ABCA9: variants seen among roughly 807,000 people sequenced by gnomAD.
ABCA9 encodes the protein ATP binding cassette subfamily A member 9.
ABCA9 carries 183 observed loss-of-function variants against 205.3 expected under a neutral mutation model. The observed-to-expected ratio is 0.89, with a 90% CI of 0.79 to 1.01. The LOEUF is 1.01. ABCA9 is among the 50% of genes least tolerant of loss of function. The pLI is 0.00. For synonymous variants in ABCA9, 651 were observed against 683.3 expected (o/e 0.95, Z 0.74); for missense variants, 1,805 against 1,912.4 (o/e 0.94, Z 1.05).
Position 69,027,023 on chromosome 17 carries a change from ACT to A in ABCA9, c.2001_2002del (p.Arg667SerfsTer11). 1.9e-6 allele frequency: 3 copies of A among 1,614,082 alleles called. No individual in the cohort carries two copies. The highest frequency in any genetic ancestry group is 2.5e-6 in the Non-Finnish European group (3 of 1,180,004). ...TATAAACTGGGTGCTGAAGAGAATT[ACT>A]CTGTCTGATTTCCCCTCTTTCAGGA... On this transcript the variant is annotated frameshift_variant, in exon 15 of 39. Transcript: ENST00000340001. LOFTEE classifies it high-confidence loss of function.
chr17:69,059,781 T>C (rs1041325293), intron 1 of ABCA9, among the ~76,000 whole-genome samples: 2 of 152,094 alleles, frequency 1.3e-5, no homozygotes, highest in Non-Finnish European at 2.9e-5. Flanking sequence ...GCTGGACATT[T>C]ATTTTATGAC....
At chr17:69,000,845 TG>T (rs1256207111) in intron 25 of ABCA9, among the ~76,000 whole-genome samples, 13 of 149,078 alleles carry the variant, frequency 8.7e-5, no homozygotes, top group Non-Finnish European at 5.9e-5. Context: ...TCACATCCCT[TG>T]TAAGTTGGAT....
At chr17:69,012,150 C>T in intron 22 of ABCA9, 67 bp from the exon 23 acceptor site, 1 of 1,092,896 alleles carries the variant, frequency 9.2e-7, no homozygotes, top group Non-Finnish European at 1.3e-6. Flanking sequence ...ACTTTCTTAA[C>T]TAAATCACTC....
intron 1 of ABCA9, among the ~76,000 whole-genome samples, chr17:69,059,482 AAAG>A (rs2072165870): frequency 6.6e-6 from 1 of 152,040 alleles, no homozygotes; most frequent in Admixed American, 6.6e-5. Context: ...ACCATGAACC[AAAG>A]AATGCAAGAA....
intron 20 of ABCA9, 169 bp from the exon 21 acceptor site, chr17:69,017,958 A>G: frequency 1.7e-6 from 1 of 598,510 alleles, no homozygotes; most frequent in Admixed American, 3.3e-5. Context: ...CTAACATCAT[A>G]GGTATGACAA....
intron 1 of ABCA9, among the ~76,000 whole-genome samples, chr17:69,053,299 C>T (rs2071966185): frequency 2.0e-5 from 3 of 152,186 alleles, no homozygotes; most frequent in Non-Finnish European, 2.9e-5. Flanking sequence ...ACTCATTTCA[C>T]TTCAGAGATT....
chr17:68,997,810 G>A (rs1193820877), intron 25 of ABCA9, among the ~76,000 whole-genome samples: 1 of 151,958 alleles, frequency 6.6e-6, no homozygotes, highest in East Asian at 1.9e-4. Context: ...TTAACACCCA[G>A]AGTCCATAGT....
At chr17:68,987,786 G>C (rs1431241841) in intron 31 of ABCA9, among the ~76,000 whole-genome samples, 3 of 140,452 alleles carry the variant, frequency 2.1e-5, no homozygotes, top group Admixed American at 7.5e-5. Flanking sequence ...TTGAGATGGA[G>C]TTTCTCTATT....
chr17:69,042,827 G>A (rs2071586530), intron 6 of ABCA9: 1 of 152,416 alleles, frequency 6.6e-6, no homozygotes, highest in Non-Finnish European at 1.5e-5. Flanking sequence ...TTGCTTTAGA[G>A]ATCTAAGGCA....
At chr17:68,982,985 G>A (rs777087739) in intron 36 of ABCA9, among the ~76,000 whole-genome samples, 17 of 152,134 alleles carry the variant, frequency 1.1e-4, no homozygotes, top group African/African-American at 1.7e-4. Flanking sequence ...TAGACTGGGC[G>A]ACAGAGTGAG....
chr17:69,034,623 T>C (rs2071274228), intron 8 of ABCA9: 1 of 152,206 alleles, frequency 6.6e-6, no homozygotes, highest in South Asian at 2.1e-4. Context: ...TTTTCAATCT[T>C]ATTACAGACT....
chr17:69,008,761 C>T (rs768182391), intron 23 of ABCA9, among the ~76,000 whole-genome samples: 10 of 152,100 alleles, frequency 6.6e-5, no homozygotes, highest in African/African-American at 1.4e-4. Context: ...ATTGTCTTGC[C>T]GTAAGTCATA....
chr17:69,015,033 AC>A (rs2070533299), intron 22 of ABCA9, among the ~76,000 whole-genome samples: 1 of 152,126 alleles, frequency 6.6e-6, no homozygotes, highest in African/African-American at 2.4e-5. Context: ...TCTCCCCAGC[AC>A]CAGTTCCATA....
At chr17:68,989,627 A>G (rs1427356230) in intron 30 of ABCA9, among the ~76,000 whole-genome samples, 186 bp downstream of exon 30, 1 of 152,224 alleles carries the variant, frequency 6.6e-6, no homozygotes, top group Non-Finnish European at 1.5e-5. Context: ...CAGAACAGAC[A>G]TAACTGTCTT....
chr17:69,021,664 A>C, intron 18 of ABCA9, 78 bp downstream of exon 18: 2 of 960,546 alleles, frequency 2.1e-6, no homozygotes, highest in Non-Finnish European at 3.1e-6. Flanking sequence ...ACACAAAGAT[A>C]AAATCTTTCT....
chr17:69,045,688 C>A (rs1036175039), intron 3 of ABCA9, among the ~76,000 whole-genome samples: 1 of 152,026 alleles, frequency 6.6e-6, no homozygotes, highest in African/African-American at 2.4e-5. Flanking sequence ...CCTCAGGAAA[C>A]TTACAATCAT....
intron 23 of ABCA9, chr17:69,011,771 C>T (rs898050840): frequency 3.4e-5 from 16 of 464,040 alleles, no homozygotes; most frequent in Admixed American, 1.6e-4. Flanking sequence ...CAGATGACAT[C>T]TAAGCTGTCC....
chr17:69,071,515 GAAAAA>G, the ABCA9 span, among the ~76,000 whole-genome samples: 1 of 152,134 alleles, frequency 6.6e-6, no homozygotes, highest in East Asian at 1.9e-4. Context: ...ACTGTTAGAA[GAAAAA>G]CTAACAAACA....
At chr17:69,060,701 GTTAT>G (rs2072216111) in intron 1 of ABCA9, among the ~76,000 whole-genome samples, 161 bp downstream of exon 1, 1 of 151,988 alleles carries the variant, frequency 6.6e-6, no homozygotes, top group Admixed American at 6.5e-5. Flanking sequence ...TCTTCATTTG[GTTAT>G]TTAGACATAC....
Sources: gnomAD v4.1 joint callset for allele counts (sites outside exome capture counted in the v4.1 genomes callset) on GRCh38, gnomAD v4.1.1 for gene constraint, MANE v1.5 for transcripts, NCBI Gene and HGNC (gene_info 2026-07-23, HGNC 2026-07-21) for gene names.